The following MTA3 variants were observed in gnomAD, a reference collection of about 807,000 sequenced individuals.
MTA3 encodes the protein metastasis associated 1 family member 3.
A neutral mutation model predicts 83.5 loss-of-function variants in MTA3; 34 were observed. The ratio of observed to expected loss-of-function variants is 0.41; its 90% CI spans 0.31 to 0.54. MTA3 has a LOEUF of 0.54. MTA3 is among the 20% of genes least tolerant of loss of function. The pLI is 0.33. For synonymous variants in MTA3, 303 were observed against 252.7 expected (o/e 1.20, Z -1.89); for missense variants, 761 against 726.4 (o/e 1.05, Z -0.55).
chr2:42,652,827 C>T (rs912569031), intron 6 of MTA3, among the ~76,000 whole-genome samples: 1 of 152,136 alleles, frequency 6.6e-6, no homozygotes, highest in African/African-American at 2.4e-5. Context: ...TTGGCCAGAA[C>T]TTTCAGGACA....
At chr2:42,534,356 G>T (rs1218291357) in intron 2 of MTA3, among the ~76,000 whole-genome samples, 1 of 152,204 alleles carries the variant, frequency 6.6e-6, no homozygotes, top group African/African-American at 2.4e-5. Context: ...CAGCACTTGG[G>T]AGGCCGAGGT....
At chr2:42,746,462 A>G (rs1174448256) in intron 16 of MTA3, among the ~76,000 whole-genome samples, 1 of 152,170 alleles carries the variant, frequency 6.6e-6, no homozygotes, top group East Asian at 1.9e-4. Flanking sequence ...TTTGCAGCAG[A>G]CATAAGCTGA....
intron 2 of MTA3, among the ~76,000 whole-genome samples, chr2:42,527,863 A>G (rs1474043054): frequency 6.6e-6 from 1 of 151,334 alleles, no homozygotes; most frequent in East Asian, 1.9e-4. Context: ...TTTCTCGAAC[A>G]TAGTAAGGGT....
chr2:42,497,811 C>G (rs765820262), intron 2 of MTA3, among the ~76,000 whole-genome samples: 1 of 152,160 alleles, frequency 6.6e-6, no homozygotes, highest in Non-Finnish European at 1.5e-5. Context: ...ACACTAGAAA[C>G]ATCTCACTTC....
intron 4 of MTA3, among the ~76,000 whole-genome samples, chr2:42,614,396 C>T (rs1684598415): frequency 6.6e-6 from 1 of 152,198 alleles, no homozygotes; most frequent in African/African-American, 2.4e-5. Context: ...TGCGCCCAGC[C>T]TGATAGATTT....
At chr2:42,742,487 A>G (rs926301169) in intron 16 of MTA3, among the ~76,000 whole-genome samples, 1 of 152,190 alleles carries the variant, frequency 6.6e-6, no homozygotes, top group South Asian at 2.1e-4. Flanking sequence ...TGTAAAGCTC[A>G]TCTGCCGATA....
rs373988694 is a variant in MTA3 at position 42,654,307 on chromosome 2, A to G, written c.500-1893A>G. Among the ~76,000 whole-genome samples the G allele has an allele frequency of 3.9e-5, 6 of 152,216 alleles. No individual in the cohort carries two copies. The East Asian group carries it at 7.7e-4, about 20-fold the overall frequency. ...TCCATTGATACCTGCTTGCTCCTAT[A>G]CTAGGCGGCCCATAGCCTGGGTTTG... On this transcript the variant is annotated intron_variant, in intron 6 of 16. Coordinates refer to ENST00000405094, the MANE Select transcript of MTA3 (RefSeq NM_001330442.2).
At chr2:42,504,771 A>T (rs1447674182) in intron 2 of MTA3, among the ~76,000 whole-genome samples, 2 of 151,912 alleles carry the variant, frequency 1.3e-5, no homozygotes, top group African/African-American at 4.8e-5. Context: ...TGCTGGGATT[A>T]CAGGCGTGAG....
rs1430164288 is a variant in MTA3 at position 42,570,423 on chromosome 2, TC to T, written c.29-12del. On this transcript the variant is annotated splice_polypyrimidine_tract_variant and intron_variant, in intron 1 of 16. Transcript: ENST00000405094. ...TGTTAAAAAGATTAAGTTCTGTACT[TC>T]CTTTAATTACAGATTATGTCTACTT... The T allele has an allele frequency of 2.0e-6, 3 of 1,483,494 alleles. No individual in the cohort carries two copies. The highest frequency in any genetic ancestry group is 2.4e-5 in the East Asian group (1 of 40,926). 91.9% of individuals were successfully genotyped at this position (1,483,494 alleles called of 1,614,324 possible).
At chr2:42,587,727 G>A (rs1351617852) in intron 3 of MTA3, among the ~76,000 whole-genome samples, 2 of 151,990 alleles carry the variant, frequency 1.3e-5, no homozygotes, top group South Asian at 2.1e-4. Context: ...TCAGCCACCC[G>A]AGTAGCTGGG....
chr2:42,670,858 A>G (rs1463107801), intron 8 of MTA3, among the ~76,000 whole-genome samples: 2 of 151,934 alleles, frequency 1.3e-5, no homozygotes, highest in Admixed American at 6.6e-5. Flanking sequence ...AACCAAGGAT[A>G]TTCTCATATA....
chr2:42,725,083 T>A (rs943095745), intron 16 of MTA3, among the ~76,000 whole-genome samples: 1 of 152,252 alleles, frequency 6.6e-6, no homozygotes, highest in African/African-American at 2.4e-5. Flanking sequence ...GGAAGGCTGA[T>A]GACATGTGCT....
At chr2:42,738,427 C>G (rs745835772) in intron 16 of MTA3, among the ~76,000 whole-genome samples, 47 of 152,176 alleles carry the variant, frequency 3.1e-4, no homozygotes, top group Non-Finnish European at 5.9e-4. Context: ...TGGACACTTA[C>G]CACTTCCCCA....
intron 4 of MTA3, among the ~76,000 whole-genome samples, chr2:42,627,456 T>C (rs1004770652): frequency 1.1e-4 from 16 of 152,234 alleles, no homozygotes; most frequent in African/African-American, 3.9e-4. Flanking sequence ...TGTGCTCTTC[T>C]TAGTCTTTTC....
chr2:42,588,405 C>A (rs1363173884), intron 3 of MTA3, among the ~76,000 whole-genome samples: 1 of 152,112 alleles, frequency 6.6e-6, no homozygotes, highest in Non-Finnish European at 1.5e-5. Flanking sequence ...GCCCTTAGAG[C>A]TTATAAAGGT....
At chr2:42,690,742 T>G (rs1692809815) in intron 9 of MTA3, among the ~76,000 whole-genome samples, 1 of 150,616 alleles carries the variant, frequency 6.6e-6, no homozygotes, top group South Asian at 2.1e-4. Context: ...TGGCGCAATC[T>G]TGGCTCACTG....
chr2:42,720,239 G>A (rs924149370), intron 15 of MTA3, among the ~76,000 whole-genome samples: 1 of 151,864 alleles, frequency 6.6e-6, no homozygotes, highest in South Asian at 2.1e-4. Context: ...CTGGAGTGCA[G>A]TGGCGCAATC....
At chr2:42,595,105 C>CT (rs1681624717) in intron 3 of MTA3, among the ~76,000 whole-genome samples, 6 of 38,906 alleles carry the variant, frequency 1.5e-4, no homozygotes, top group African/African-American at 8.0e-4. Flanking sequence ...ACAGGAGCTT[C>CT]ATTTTTTTTT....
intron 14 of MTA3, among the ~76,000 whole-genome samples, chr2:42,710,574 A>G (rs35769641): frequency 1.8e-4 from 26 of 146,236 alleles, no homozygotes; most frequent in African/African-American, 6.5e-4. Flanking sequence ...AAAAAAAAAA[A>G]GAAAGTGGTA....
Sources: gnomAD v4.1 joint callset for allele counts (sites outside exome capture counted in the v4.1 genomes callset) on GRCh38, gnomAD v4.1.1 for gene constraint, MANE v1.5 for transcripts, NCBI Gene and HGNC (gene_info 2026-07-23, HGNC 2026-07-21) for gene names.